SLC26A1: variants seen among roughly 807,000 people sequenced by gnomAD.
SLC26A1 encodes sulfate anion transporter 1.
Under a neutral mutation model 14.5 loss-of-function variants are expected in SLC26A1, and 18 were observed. The observed-to-expected ratio is 1.24, with a 90% CI of 0.86 to 1.84. The LOEUF (loss-of-function observed/expected upper bound fraction) is 1.84, where lower values mean the gene tolerates loss of function less well. SLC26A1 is among the 40% of genes most tolerant of loss of function. The probability of loss-of-function intolerance (pLI) is 0.00; values close to 1 mark genes in which losing one functional copy is unlikely to be tolerated. For missense variants in SLC26A1, 1,049 were observed against 1,020.0 expected (o/e 1.03, Z -0.39); for synonymous variants, 505 against 492.0 (o/e 1.03, Z -0.35).
chr4:990,697 C>A, intron 2 of SLC26A1: 1 of 429,204 alleles, frequency 2.3e-6, no homozygotes, highest in Non-Finnish European at 4.2e-6. Context: ...CTGCTTCCTA[C>A]ACATGGTGCC....
Position 987,958 on chromosome 4 carries a change from C to G in SLC26A1, c.*875G>C. ...GAGCTTGTCACCACCAGGTGGGCGG[C>G]GGGCAGGGTCTGGGCGTCCCAGAGC... is the stretch of plus-strand genomic sequence containing the variant. On this transcript the variant is annotated 3_prime_UTR_variant, in exon 3 of 3. Coordinates refer to ENST00000398516, the MANE Select transcript of SLC26A1 (RefSeq NM_022042.4). 1.3e-6 allele frequency: 2 copies of G among 1,563,416 alleles called. No homozygotes were observed. Among genetic ancestry groups the G allele is most frequent in the Non-Finnish European group, 1.7e-6 (2 of 1,154,046 alleles).
chr4:986,936 G>A (rs1400036891), downstream of SLC26A1: 9 of 715,404 alleles, frequency 1.3e-5, no homozygotes, highest in Non-Finnish European at 1.9e-5. Flanking sequence ...GCTCCCCGAG[G>A]CCACCCAACC....
intron 1 of SLC26A1, chr4:992,150 G>A (rs957589532): frequency 3.8e-5 from 18 of 471,658 alleles, no homozygotes; most frequent in Middle Eastern, 3.2e-4. Flanking sequence ...TGTGCCTACC[G>A]TCAGAATGTC....
At chr4:985,929 C>CT, downstream of SLC26A1, among the ~76,000 whole-genome samples, 1 of 151,680 alleles carries the variant, frequency 6.6e-6, no homozygotes, top group South Asian at 2.1e-4. Context: ...TTTTTCTTTT[C>CT]TTTTTTTAGA....
chr4:991,150 G>A lies in SLC26A1; in HGVS notation c.554C>T (p.Thr185Met), dbSNP rs139024319. The A allele has an allele frequency of 2.9e-4, 457 of 1,552,418 alleles. No homozygotes were observed. Among genetic ancestry groups the A allele is most frequent in the Non-Finnish European group, 3.6e-4 (411 of 1,146,024 alleles). The change falls in exon 2 of 3, where the codon ACG (threonine) becomes ATG (methionine). Residue 185 changes from threonine to methionine, a missense_variant. Coordinates refer to ENST00000398516, the MANE Select transcript of SLC26A1 (RefSeq NM_022042.4). ...CACCTGGTAAAGCCCGGTCATCAGC[G>A]TGAGGGCGGTGGCGACACGGATGGC... ...CYAIRVATALTLMTGLYQVLM... is the reference protein window; with the variant it reads ...CYAIRVATALMLMTGLYQVLM...
chr4:990,343 C>T lies in SLC26A1; in HGVS notation c.596G>A (p.Arg199Gln), dbSNP rs572928465. ...GAGGTAGGCGGACACGAAGCCCAGC[C>T]GGAGGACGCCCATGAGGACCTGTGG... is the stretch of plus-strand genomic sequence containing the variant. ...GLYQVLMGVL[R>Q]LGFVSAYLSQ... The change falls in exon 3 of 3, where the codon CGG becomes CAG. Residue 199 changes from arginine to glutamine, a missense_variant. By Grantham distance (43) the Arg-to-Gln change is conservative. Coordinates refer to ENST00000398516, the MANE Select transcript of SLC26A1 (RefSeq NM_022042.4). 1.3e-4 allele frequency: 207 copies of T among 1,601,634 alleles called. 2 individuals carry two copies. In the South Asian group the frequency reaches 1.4e-3, roughly 11 times the overall value.
At chr4:987,291 C>G, downstream of SLC26A1, 1 of 1,483,486 alleles carries the variant, frequency 6.7e-7, no homozygotes, top group East Asian at 2.7e-5. Context: ...GGGGAGAGCT[C>G]GGGCGCCCCC....
At position 989,329 on chromosome 4, in the gene SLC26A1, A is replaced by C. The variant is rs770321069; in HGVS notation, c.1610T>G (p.Val537Gly). ...CGGCCCCCCAAAGCGGAACACCCGC[A>C]CGCCGGGCTCAGGGACGAGGCCCTC... ...EFEGLVPEPG[V>G]RVFRFGGPLY... The change falls in exon 3 of 3, where the codon GTG becomes GGG. Residue 537 changes from valine to glycine, a missense_variant. By Grantham distance (109) the Val-to-Gly change is moderately radical. Coordinates refer to ENST00000398516, the MANE Select transcript of SLC26A1 (RefSeq NM_022042.4). 1.2e-6 allele frequency: 2 copies of C among 1,608,452 alleles called. No individual in the cohort carries two copies. Among genetic ancestry groups the C allele is most frequent in the Admixed American group, 3.4e-5 (2 of 59,572 alleles).
rs756970011 is a variant in SLC26A1, at chr4:989,114, A to C, written c.1825T>G (p.Phe609Val). 1 of 1,605,422 alleles carries C rather than the reference A, an allele frequency of 6.2e-7. No homozygotes were observed. Among genetic ancestry groups the C allele is most frequent in the Non-Finnish European group, 8.5e-7 (1 of 1,176,198 alleles). ...RAALVPAAAG[F>V]HTVVIDCAPL... ...GCGCAGTCGATGACCACTGTGTGGA[A>C]GCCGGCCGCTGCGGGCACCAGCGCA... Residue 609 changes from phenylalanine to valine, a missense_variant, in exon 3 of 3, where the codon TTC becomes GTC. Transcript: ENST00000398516.
chr4:989,745 G>A lies in SLC26A1; in HGVS notation c.1194C>T (p.Ala398=), dbSNP rs1353664496. Reference sequence around the variant, plus strand: ...CTGTCTTCACCAGGCTCTTGGCCAGGGCGGCGCTGGTGGCGAAGCAGTGGA... The same window carrying A: ...CTGTCTTCACCAGGCTCTTGGCCAGAGCGGCGCTGGTGGCGAAGCAGTGGA... ...AFLHCFATSA[A]LAKSLVKTAT... is the part of the protein sequence containing the mutation. The change falls in exon 3 of 3, where the codon GCC becomes GCT. Residue 398 remains alanine, a synonymous_variant. Coordinates refer to ENST00000398516, the MANE Select transcript of SLC26A1 (RefSeq NM_022042.4). 1 of 1,557,084 alleles carries A rather than the reference G, an allele frequency of 6.4e-7. No homozygotes were observed. Among genetic ancestry groups the A allele is most frequent in the Non-Finnish European group, 8.7e-7 (1 of 1,150,922 alleles).
intron 2 of SLC26A1, chr4:990,603 A>T: frequency 1.7e-6 from 1 of 571,826 alleles, no homozygotes; most frequent in African/African-American, 1.9e-5. Flanking sequence ...AGCTGGCCAT[A>T]GACACGTCTA....
downstream of SLC26A1, chr4:986,732 G>C: frequency 2.1e-6 from 1 of 467,094 alleles, no homozygotes; most frequent in Non-Finnish European, 4.3e-6. Context: ...ACCTCAGCCT[G>C]GGCGACAAAG....
downstream of SLC26A1, chr4:986,922 C>T (rs116840205): frequency 3.7e-3 from 2,640 of 718,066 alleles, 47 homozygotes; most frequent in African/African-American, 0.042. Context: ...CCCGGCTCCC[C>T]GAGGCTCCCC....
downstream of SLC26A1, chr4:987,623 C>G: frequency 2.8e-6 from 4 of 1,443,580 alleles, no homozygotes; most frequent in Non-Finnish European, 3.6e-6. Flanking sequence ...CTTACTGCTG[C>G]TGCCGTTCCC....
In SLC26A1 at chr4:990,287, C is replaced by G. The variant is rs1229573213; in HGVS notation, c.652G>C (p.Gly218Arg). ...SQPLLDGFAM[G>R]ASVTILTSQL... The stretch of plus-strand genomic sequence containing the variant: ...GAGGTCAGGATGGTCACGGAGGCCC[C>G]CATGGCAAAGCCATCGAGCAGTGGC... Residue 218 changes from glycine (G) to arginine (R), a missense_variant, in exon 3 of 3, where the codon GGG becomes CGG. Coordinates refer to ENST00000398516, the MANE Select transcript of SLC26A1 (RefSeq NM_022042.4). The G allele has an allele frequency of 1.2e-6, 2 of 1,602,614 alleles. No homozygotes were observed. The highest frequency in any genetic ancestry group is 1.1e-5 in the South Asian group (1 of 88,760).
downstream of SLC26A1, chr4:987,309 G>A: frequency 7.2e-7 from 1 of 1,394,084 alleles, no homozygotes; most frequent in Non-Finnish European, 9.7e-7. Context: ...CCCTGACTGC[G>A]CACTGTGAGA....
At chr4:981,444 C>T (rs976643853) in intron 2 of SLC26A1, among the ~76,000 whole-genome samples, 13 of 152,008 alleles carry the variant, frequency 8.6e-5, no homozygotes, top group African/African-American at 3.1e-4. Flanking sequence ...GGACCCTTAG[C>T]CCGGACAACA....
rs374084898 is a variant in SLC26A1, at chr4:990,042, G to A, written c.897C>T (p.Ile299=). 39 of 1,599,534 alleles carry A rather than the reference G, an allele frequency of 2.4e-5. No homozygotes were observed. Among genetic ancestry groups the A allele is most frequent in the East Asian group, 2.0e-4 (9 of 44,250 alleles). ...AGTGCGACACGAGTGTGGCCACCAC[G>A]ATGACCAGCAGCTCCGTGGGCAGCG... ...RVPLPTELLV[I]VVATLVSHFG... Residue 299 remains isoleucine, a synonymous_variant, in exon 3 of 3, where the codon ATC becomes ATT. Transcript: ENST00000398516.
Position 989,022 on chromosome 4 carries a change from G to A in SLC26A1, c.1917C>T (p.Ala639=). 6.3e-7 allele frequency: 1 copy of A among 1,586,294 alleles called. No individual in the cohort carries two copies. Among genetic ancestry groups the A allele is most frequent in the East Asian group, 2.3e-5 (1 of 43,110 alleles). ...AGGCTAGCAGCAGGCTGATGCCCAG[G>A]GCCCCGTAGTCTCGGCGCAGGTCCT... ...TLQDLRRDYG[A]LGISLLLACC... is the part of the protein sequence containing the mutation. The change falls in exon 3 of 3, where the codon GCC becomes GCT. Residue 639 remains alanine (A), a synonymous_variant. Transcript: ENST00000398516.
Sources: gnomAD v4.1 joint callset for allele counts (sites outside exome capture counted in the v4.1 genomes callset) on GRCh38, gnomAD v4.1.1 for gene constraint, MANE v1.5 for transcripts, NCBI Gene and HGNC (gene_info 2026-07-23, HGNC 2026-07-21) for gene names.